Variants in PTPRG observed in about 807,000 individuals in gnomAD.
PTPRG encodes the protein receptor-type tyrosine-protein phosphatase gamma.
A neutral mutation model predicts 165.3 loss-of-function variants in PTPRG; 102 were observed. That is an observed-to-expected ratio of 0.62 (90% CI 0.53 to 0.73). PTPRG has a LOEUF of 0.73. PTPRG is among the 30% of genes least tolerant of loss of function. PTPRG has a pLI of 0.00. For synonymous variants in PTPRG, 675 were observed against 669.5 expected (o/e 1.01, Z -0.13); for missense variants, 1,866 against 1,861.4 (o/e 1.00, Z -0.05).
At chr3:62,142,066 C>T (rs1423236177) in intron 6 of PTPRG, among the ~76,000 whole-genome samples, 2 of 150,060 alleles carry the variant, frequency 1.3e-5, no homozygotes, top group African/African-American at 2.5e-5. Context: ...GCCCACTCAA[C>T]AATATGAGTG....
chr3:61,875,846 A>C (rs1020583334), intron 2 of PTPRG, among the ~76,000 whole-genome samples: 1 of 152,066 alleles, frequency 6.6e-6, no homozygotes, highest in East Asian at 1.9e-4. Flanking sequence ...TATAGGCTGC[A>C]CTCCGTTTCA....
intron 2 of PTPRG, among the ~76,000 whole-genome samples, chr3:61,927,498 A>G (rs1164367398): frequency 2.6e-5 from 4 of 152,228 alleles, no homozygotes; most frequent in African/African-American, 4.8e-5. Context: ...TATATCCTGT[A>G]CTATGGAAAC....
At chr3:61,766,543 G>C (rs1343330931) in intron 2 of PTPRG, among the ~76,000 whole-genome samples, 1 of 151,526 alleles carries the variant, frequency 6.6e-6, no homozygotes, top group Non-Finnish European at 1.5e-5. Context: ...CTCTTTAGTA[G>C]ACTGCATTAT....
chr3:61,962,544 T>G (rs1199843127), intron 2 of PTPRG, among the ~76,000 whole-genome samples: 1 of 152,156 alleles, frequency 6.6e-6, no homozygotes, highest in Non-Finnish European at 1.5e-5. Flanking sequence ...TAAGGCTCAT[T>G]TTTTTATATC....
At chr3:62,111,975 A>G (rs1261207285) in intron 5 of PTPRG, among the ~76,000 whole-genome samples, 1 of 152,198 alleles carries the variant, frequency 6.6e-6, no homozygotes, top group African/African-American at 2.4e-5. Flanking sequence ...GAATGATTAG[A>G]TAAATGAGGC....
intron 6 of PTPRG, among the ~76,000 whole-genome samples, chr3:62,145,228 G>GT (rs1226903097): frequency 6.6e-6 from 1 of 152,124 alleles, no homozygotes; most frequent in Non-Finnish European, 1.5e-5. Flanking sequence ...TTGTGGCTCA[G>GT]TTTTCTCAAC....
intron 5 of PTPRG, chr3:62,118,469 CA>C (rs1702943615): frequency 6.6e-6 from 1 of 152,130 alleles, no homozygotes; most frequent in South Asian, 2.1e-4. Flanking sequence ...CAGTTAAGAG[CA>C]AATTCTACAC....
chr3:61,680,527 A>C (rs1575585936), intron 1 of PTPRG, among the ~76,000 whole-genome samples: 1 of 151,020 alleles, frequency 6.6e-6, no homozygotes, highest in Non-Finnish European at 1.5e-5. Flanking sequence ...AACACAAAAA[A>C]ACAGCATGGG....
chr3:62,063,863 G>A lies in PTPRG; in HGVS notation c.520-14300G>A, dbSNP rs150838244. ...TGTTAGTGAGCTTGAGTAGTTGTGC[G>A]TTTCATTGTGGTAAAAGATACATGA... On this transcript the variant is annotated intron_variant, in intron 4 of 29. Coordinates refer to ENST00000474889, the MANE Select transcript of PTPRG (RefSeq NM_002841.4). Among the ~76,000 whole-genome samples the A allele has an allele frequency of 9.7e-4, 148 of 152,132 alleles. 4 individuals carry two copies. The South Asian group carries it at 0.024, about 24-fold the overall frequency.
rs148186037 is a variant in PTPRG at position 62,273,025 on chromosome 3, G to T, written c.3262G>T (p.Val1088Phe). Residue 1088 changes from valine to phenylalanine, a missense_variant, in exon 22 of 30, where the codon GTC becomes TTC. Coordinates refer to ENST00000474889, the MANE Select transcript of PTPRG (RefSeq NM_002841.4). This position sits in a 1 kb window ranked among gnomAD's most constrained non-coding sequence, Gnocchi z 4.1. ...QQIKDKSTVN[V>F]LGFLKHIRTQ... ...GATAAAAGACAAAAGCACAGTTAACGTCCTGGGATTCCTGAAGCATATCAG... is the reference window on the plus strand; with the variant it reads ...GATAAAAGACAAAAGCACAGTTAACTTCCTGGGATTCCTGAAGCATATCAG... 6.2e-7 allele frequency: 1 copy of T among 1,613,672 alleles called. No homozygotes were observed.
At position 62,203,622 on chromosome 3, in the gene PTPRG, T is replaced by C; in HGVS notation, c.1827T>C (p.Ser609=). The change falls in exon 12 of 30, where the codon AGT becomes AGC. Residue 609 remains serine (S), a synonymous_variant. Transcript: ENST00000474889. The surrounding 1 kb of genome is among the most constrained non-coding windows in gnomAD (Gnocchi z 6.4). ...AGGACTCCGAAAAGAAGGAGAAGAG[T>C]GGGGTGACCCACGCTGCCGAGGAGC... ...GEKDSEKKEK[S]GVTHAAEERN... is the part of the protein sequence containing the mutation. 6.4e-7 allele frequency: 1 copy of C among 1,553,650 alleles called. No homozygotes were observed.
chr3:62,055,777 G>A (rs142745771), intron 4 of PTPRG, among the ~76,000 whole-genome samples: 2,326 of 152,170 alleles, frequency 0.015, 23 homozygotes, highest in Non-Finnish European at 0.024. Flanking sequence ...TCTTTGTGTG[G>A]CATTCTCCTT....
chr3:62,282,895 A>G (rs201699035), intron 28 of PTPRG, 26 bp downstream of exon 28: 99 of 1,572,466 alleles, frequency 6.3e-5, no homozygotes, highest in Non-Finnish European at 1.1e-5. Flanking sequence ...TTAATTTTAA[A>G]ATGTAGACCG....
At chr3:61,964,672 C>T (rs546928382) in intron 2 of PTPRG, among the ~76,000 whole-genome samples, 1 of 152,244 alleles carries the variant, frequency 6.6e-6, no homozygotes, top group South Asian at 2.1e-4. Context: ...ATTGCCTTCA[C>T]CACTTTTTTC....
intron 2 of PTPRG, among the ~76,000 whole-genome samples, chr3:61,938,888 G>A (rs1205627669): frequency 6.6e-6 from 1 of 152,002 alleles, no homozygotes; most frequent in Non-Finnish European, 1.5e-5. Flanking sequence ...TTTTGCTTTG[G>A]GGGTGAAATA....
chr3:62,216,538 T>TC (rs369283836), intron 12 of PTPRG, among the ~76,000 whole-genome samples: 133 of 149,696 alleles, frequency 8.9e-4, no homozygotes, highest in African/African-American at 2.2e-3. Flanking sequence ...TCTTTGAGAT[T>TC]CCCCCCCCTC....
chr3:61,844,693 G>A (rs535390803), intron 2 of PTPRG, among the ~76,000 whole-genome samples: 60 of 150,936 alleles, frequency 4.0e-4, no homozygotes, highest in African/African-American at 1.3e-3. Context: ...GTAGAGATGC[G>A]TATCTTGCTA....
intron 1 of PTPRG, among the ~76,000 whole-genome samples, chr3:61,567,965 C>CA (rs11451025): frequency 0.57 from 70,535 of 124,048 alleles, 19,559 homozygotes; most frequent in Middle Eastern, 0.71. Context: ...GACCCTGCCT[C>CA]AAAAAAAAAA....
At chr3:61,624,911 C>G (rs1472066582) in intron 1 of PTPRG, among the ~76,000 whole-genome samples, 1 of 152,096 alleles carries the variant, frequency 6.6e-6, no homozygotes, top group Non-Finnish European at 1.5e-5. Flanking sequence ...TCTCACAGTT[C>G]TGGAGGCTGG....
Sources: allele counts gnomAD v4.1 joint callset (sites outside exome capture counted in the v4.1 genomes callset), GRCh38; gene constraint gnomAD v4.1.1; non-coding constraint Gnocchi (gnomAD v3.1); transcripts MANE v1.5; gene names NCBI Gene and HGNC (gene_info 2026-07-23, HGNC 2026-07-21).